L3MBTL4: variants seen among roughly 807,000 people sequenced by gnomAD.
The protein encoded by L3MBTL4 is L3MBTL histone methyl-lysine binding protein 4.
A neutral mutation model predicts 84.5 loss-of-function variants in L3MBTL4; 70 were observed. The ratio of observed to expected loss-of-function variants is 0.83; its 90% CI spans 0.68 to 1.01. L3MBTL4 has a LOEUF of 1.01. Among genes scored for constraint, L3MBTL4 ranks in the 50% least tolerant of loss-of-function variants. The pLI is 0.00. For missense variants in L3MBTL4, 715 were observed against 754.8 expected (o/e 0.95, Z 0.62); for synonymous variants, 274 against 259.8 (o/e 1.05, Z -0.52).
chr18:6,367,011 T>A (rs2053964060), intron 1 of L3MBTL4, among the ~76,000 whole-genome samples: 1 of 151,974 alleles, frequency 6.6e-6, no homozygotes, highest in African/African-American at 2.4e-5. Flanking sequence ...AAAACACAAG[T>A]CCCTAGGAAA....
At chr18:6,051,365 C>A (rs1237463892) in intron 16 of L3MBTL4, among the ~76,000 whole-genome samples, 2 of 152,086 alleles carry the variant, frequency 1.3e-5, no homozygotes, top group Non-Finnish European at 2.9e-5. Context: ...ATGGTGAAAC[C>A]CCGTCTCTAC....
intron 5 of L3MBTL4, 62 bp from the exon 6 acceptor site, chr18:6,244,650 A>G: frequency 8.8e-7 from 1 of 1,138,522 alleles, no homozygotes; most frequent in Non-Finnish European, 1.3e-6. Context: ...ATATTAAGAT[A>G]TTTGGTGTCA....
chr18:6,112,890 T>C (rs1470048424), intron 14 of L3MBTL4, among the ~76,000 whole-genome samples: 1 of 152,180 alleles, frequency 6.6e-6, no homozygotes, highest in Non-Finnish European at 1.5e-5. Flanking sequence ...ATTGATACAA[T>C]AGCTTCCTTT....
At chr18:6,060,493 C>T (rs1438664179) in intron 16 of L3MBTL4, among the ~76,000 whole-genome samples, 2 of 151,634 alleles carry the variant, frequency 1.3e-5, no homozygotes, top group African/African-American at 4.8e-5. Flanking sequence ...CCCATATGCC[C>T]CCTTTACCCC....
chr18:6,284,725 C>A (rs1213094429), intron 4 of L3MBTL4, among the ~76,000 whole-genome samples: 1 of 152,198 alleles, frequency 6.6e-6, no homozygotes, highest in Non-Finnish European at 1.5e-5. Flanking sequence ...TCTTTCCCTC[C>A]TGAGCAATTC....
intron 3 of L3MBTL4, among the ~76,000 whole-genome samples, chr18:6,303,102 A>G (rs967291922): frequency 6.6e-6 from 1 of 152,192 alleles, no homozygotes; most frequent in South Asian, 2.1e-4. Flanking sequence ...TTTTGGAAAC[A>G]TAAATATACA....
chr18:6,067,582 C>G (rs1292896663), intron 16 of L3MBTL4, among the ~76,000 whole-genome samples: 1 of 152,104 alleles, frequency 6.6e-6, no homozygotes, highest in African/African-American at 2.4e-5. Context: ...ATTGAAGAAA[C>G]TTTTCCACTG....
intron 2 of L3MBTL4, 123 bp downstream of exon 2, chr18:6,311,875 A>G (rs1323516338): frequency 2.8e-5 from 10 of 362,512 alleles, no homozygotes; most frequent in African/African-American, 4.2e-5. Flanking sequence ...TAGAATTTAT[A>G]TCATGGGGAA....
chr18:6,339,454 A>G (rs998789840), intron 1 of L3MBTL4, among the ~76,000 whole-genome samples: 1 of 152,232 alleles, frequency 6.6e-6, no homozygotes, highest in African/African-American at 2.4e-5. Flanking sequence ...AATAATTCAG[A>G]TATGATAAAC....
intron 1 of L3MBTL4, among the ~76,000 whole-genome samples, chr18:6,361,496 G>A (rs574121482): frequency 3.9e-5 from 6 of 152,248 alleles, no homozygotes; most frequent in South Asian, 2.1e-4. Flanking sequence ...ATCAGATTCC[G>A]TACCAAGGAA....
intron 16 of L3MBTL4, among the ~76,000 whole-genome samples, chr18:5,970,794 T>C (rs2052601993): frequency 6.6e-6 from 1 of 152,268 alleles, no homozygotes; most frequent in Non-Finnish European, 1.5e-5. Context: ...TCAAATTAAT[T>C]ACAGCTTTTA....
chr18:6,010,334 A>C lies in L3MBTL4; in HGVS notation c.1445-40772T>G, dbSNP rs144528272. On this transcript the variant is annotated intron_variant, in intron 16 of 18. Coordinates refer to ENST00000317931, the MANE Select transcript of L3MBTL4 (RefSeq NM_001330559.2). ...AAACCCAGGATGAATGTGAAGGATC[A>C]GGCAGCTCAGAGAGGAACTGTGCTG... 5.4e-3 allele frequency among the ~76,000 whole-genome samples: 828 copies of C among 152,346 alleles called. 4 individuals carry two copies. Among genetic ancestry groups the C allele is most frequent in the Non-Finnish European group, 8.7e-3 (590 of 68,026 alleles).
intron 16 of L3MBTL4, among the ~76,000 whole-genome samples, chr18:5,985,299 G>A (rs1470566074): frequency 6.6e-6 from 1 of 152,158 alleles, no homozygotes; most frequent in Non-Finnish European, 1.5e-5. Context: ...AGCCCTGGAG[G>A]TAACATAATG....
At chr18:6,182,915 T>G (rs922221768) in intron 12 of L3MBTL4, among the ~76,000 whole-genome samples, 2 of 152,192 alleles carry the variant, frequency 1.3e-5, no homozygotes, top group African/African-American at 4.8e-5. Flanking sequence ...TCAGAAACCA[T>G]TCTTAATTTT....
At chr18:6,056,462 C>A (rs75450334) in intron 16 of L3MBTL4, among the ~76,000 whole-genome samples, 1 of 152,190 alleles carries the variant, frequency 6.6e-6, no homozygotes, top group Admixed American at 6.5e-5. Context: ...TGTTATTAGC[C>A]TACTTCCAAT....
At chr18:6,356,105 A>G (rs990371057) in intron 1 of L3MBTL4, among the ~76,000 whole-genome samples, 2 of 152,248 alleles carry the variant, frequency 1.3e-5, no homozygotes, top group Admixed American at 1.3e-4. Context: ...TACAAGTCCT[A>G]TGAGTCACCT....
chr18:6,063,458 G>T (rs2057301628), intron 16 of L3MBTL4, among the ~76,000 whole-genome samples: 2 of 151,730 alleles, frequency 1.3e-5, no homozygotes, highest in Admixed American at 6.6e-5. Flanking sequence ...TTTCCTAGTG[G>T]TTGCACTAGT....
chr18:6,164,768 G>A (rs779651129), intron 13 of L3MBTL4, among the ~76,000 whole-genome samples: 1 of 152,222 alleles, frequency 6.6e-6, no homozygotes, highest in African/African-American at 2.4e-5. Context: ...TAAAAAATCA[G>A]AGTGCCTCTC....
At chr18:6,293,834 G>T (rs1194694135) in intron 4 of L3MBTL4, among the ~76,000 whole-genome samples, 1 of 152,296 alleles carries the variant, frequency 6.6e-6, no homozygotes, top group East Asian at 1.9e-4. Flanking sequence ...AAAATAATTG[G>T]CCTGTAATCT....
Sources: gnomAD v4.1 joint callset for allele counts (sites outside exome capture counted in the v4.1 genomes callset) on GRCh38, gnomAD v4.1.1 for gene constraint, MANE v1.5 for transcripts, NCBI Gene and HGNC (gene_info 2026-07-23, HGNC 2026-07-21) for gene names.